FGD4: variants seen among roughly 807,000 people sequenced by gnomAD.
FGD4 encodes FYVE, RhoGEF and PH domain-containing protein 4.
FGD4 carries 42 observed loss-of-function variants against 102.0 expected under a neutral mutation model. That is an observed-to-expected ratio of 0.41 (90% confidence interval 0.32 to 0.53). The LOEUF (loss-of-function observed/expected upper bound fraction) is 0.53, where lower values mean the gene tolerates loss of function less well. Among genes scored for constraint, FGD4 ranks in the 20% least tolerant of loss-of-function variants. The probability of loss-of-function intolerance (pLI) is 0.21; values close to 1 mark genes in which losing one functional copy is unlikely to be tolerated. For missense variants in FGD4, 902 were observed against 1,078.2 expected (o/e 0.84, Z 2.29); for synonymous variants, 380 against 375.7 (o/e 1.01, Z -0.13).
At chr12:32,457,312 T>C (rs1451261285) in intron 1 of FGD4, among the ~76,000 whole-genome samples, 1 of 152,176 alleles carries the variant, frequency 6.6e-6, no homozygotes, top group Non-Finnish European at 1.5e-5. Context: ...AAGTGTGCCT[T>C]GGCTTGTTTT....
At chr12:32,525,732 A>G (rs551492882) in intron 1 of FGD4, among the ~76,000 whole-genome samples, 121 of 152,302 alleles carry the variant, frequency 7.9e-4, no homozygotes, top group East Asian at 1.4e-3. Flanking sequence ...CTGGAGTTCC[A>G]GGTGGGCGTG....
intron 1 of FGD4, among the ~76,000 whole-genome samples, chr12:32,415,012 A>G (rs564712554): frequency 1.3e-5 from 2 of 152,006 alleles, no homozygotes; most frequent in African/African-American, 4.8e-5. Context: ...AAATTTTTCA[A>G]TTTCCTTCAT....
chr12:32,444,539 G>T (rs1054995724), intron 1 of FGD4, among the ~76,000 whole-genome samples: 2 of 151,932 alleles, frequency 1.3e-5, no homozygotes, highest in African/African-American at 4.8e-5. Context: ...CGAGTAACTG[G>T]GATTACAGGC....
chr12:32,603,903 T>C (rs1174626124), intron 7 of FGD4, among the ~76,000 whole-genome samples: 2 of 152,056 alleles, frequency 1.3e-5, no homozygotes, highest in Admixed American at 1.3e-4. Context: ...AAGGTCTGGC[T>C]ATGTTGCCCA....
At chr12:32,409,490 T>G (rs1341782997) in intron 1 of FGD4, among the ~76,000 whole-genome samples, 1 of 152,050 alleles carries the variant, frequency 6.6e-6, no homozygotes, top group Admixed American at 6.6e-5. Context: ...GGTTTCACTG[T>G]TGGCCAGGCT....
intron 1 of FGD4, among the ~76,000 whole-genome samples, chr12:32,552,604 C>G (rs1268300889): frequency 6.6e-6 from 1 of 151,726 alleles, no homozygotes; most frequent in Non-Finnish European, 1.5e-5. Context: ...CTTAGTTGAA[C>G]ACAGCAGAAA....
chr12:32,594,697 T>C (rs1235889545), intron 4 of FGD4, among the ~76,000 whole-genome samples: 4 of 151,890 alleles, frequency 2.6e-5, no homozygotes, highest in Non-Finnish European at 1.5e-5. Context: ...AAAGGGTAAA[T>C]TTTACTGTTT....
intron 8 of FGD4, among the ~76,000 whole-genome samples, chr12:32,609,695 CT>C (rs5797483): frequency 0.53 from 81,227 of 151,898 alleles, 23,281 homozygotes; most frequent in African/African-American, 0.75. Context: ...AGAAGAAGGG[CT>C]TTTTGGTGAC....
chr12:32,479,025 G>A (rs1256264190), intron 1 of FGD4, among the ~76,000 whole-genome samples: 1 of 152,076 alleles, frequency 6.6e-6, no homozygotes, highest in South Asian at 2.1e-4. Context: ...GTTTGCTTTG[G>A]GATATGCTAG....
At chr12:32,580,619 G>A (rs1946526196) in intron 3 of FGD4, among the ~76,000 whole-genome samples, 1 of 152,136 alleles carries the variant, frequency 6.6e-6, no homozygotes, top group Non-Finnish European at 1.5e-5. Context: ...CGGGCGCGGT[G>A]GCTCATGCCT....
intron 1 of FGD4, among the ~76,000 whole-genome samples, chr12:32,460,515 A>AG (rs398116314): frequency 2.8e-5 from 4 of 144,902 alleles, no homozygotes; most frequent in Non-Finnish European, 6.2e-5. Context: ...AAAAAAAAAA[A>AG]GAAGAAGAAA....
chr12:32,412,375 A>AT (rs928208837), intron 1 of FGD4, among the ~76,000 whole-genome samples: 5 of 152,204 alleles, frequency 3.3e-5, no homozygotes, highest in African/African-American at 1.2e-4. Flanking sequence ...GGAAAAATCT[A>AT]TTCCTAATAC....
At chr12:32,527,898 A>G (rs894874650) in intron 1 of FGD4, among the ~76,000 whole-genome samples, 12 of 152,300 alleles carry the variant, frequency 7.9e-5, no homozygotes, top group African/African-American at 2.2e-4. Flanking sequence ...CTAGTATTAT[A>G]TATTTTTTGG....
chr12:32,581,071 G>A (rs1159959675), intron 3 of FGD4, among the ~76,000 whole-genome samples: 1 of 152,140 alleles, frequency 6.6e-6, no homozygotes, highest in Non-Finnish European at 1.5e-5. Context: ...ATCTAGGAAA[G>A]CCTCTTTGGA....
At chr12:32,560,515 CA>C (rs1329860040) in intron 1 of FGD4, among the ~76,000 whole-genome samples, 1 of 152,164 alleles carries the variant, frequency 6.6e-6, no homozygotes, top group Admixed American at 6.5e-5. Flanking sequence ...CTCAGCCTCG[CA>C]AAGTGTTGAG....
At chr12:32,600,587 T>TA in intron 5 of FGD4, 15 of 365,776 alleles carry the variant, frequency 4.1e-5, no homozygotes, top group Non-Finnish European at 5.8e-5. Context: ...TTTCTTTCTT[T>TA]CTTTCTTTTT....
intron 7 of FGD4, among the ~76,000 whole-genome samples, chr12:32,604,992 G>GC (rs1740066281): frequency 7.2e-6 from 1 of 139,188 alleles, no homozygotes; most frequent in Non-Finnish European, 1.5e-5. Flanking sequence ...AGGCTGGAGT[G>GC]CAGTGGTATG....
At chr12:32,551,674 T>C (rs1943678721) in intron 1 of FGD4, among the ~76,000 whole-genome samples, 1 of 152,190 alleles carries the variant, frequency 6.6e-6, no homozygotes, top group African/African-American at 2.4e-5. Context: ...GTCATGCTTT[T>C]AGGGATCAAG....
At position 32,526,521 on chromosome 12, in the gene FGD4, C is replaced by G. The variant is rs573141749; in HGVS notation, c.167-37616C>G. On this transcript the variant is annotated intron_variant, in intron 1 of 16. Coordinates refer to ENST00000534526, the MANE Select transcript of FGD4 (RefSeq NM_001370298.3). ...TCTAGCTCAGGGATTGTAAACGCAC[C>G]AATCAGCGCCCTGACGAAACAGGCC... 3.3e-5 allele frequency among the ~76,000 whole-genome samples: 5 copies of G among 152,258 alleles called. No homozygotes were observed. In the South Asian group the frequency reaches 8.3e-4, roughly 25 times the overall value.
Sources: allele counts gnomAD v4.1 joint callset (sites outside exome capture counted in the v4.1 genomes callset), GRCh38; gene constraint gnomAD v4.1.1; transcripts MANE v1.5; gene names NCBI Gene and HGNC (gene_info 2026-07-23, HGNC 2026-07-21).